Variants in MTOR observed in about 807,000 individuals in gnomAD.
The protein encoded by MTOR is mechanistic target of rapamycin kinase, also known as serine/threonine-protein kinase mTOR.
Under a neutral mutation model 319.8 loss-of-function variants are expected in MTOR, and 70 were observed. That is an observed-to-expected ratio of 0.22 (90% confidence interval 0.18 to 0.27). MTOR has a LOEUF of 0.27. Among genes scored for constraint, MTOR ranks in the 10% least tolerant of loss-of-function variants. The pLI is 1.00. For missense variants in MTOR, 1,890 were observed against 3,274.4 expected, an observed-to-expected ratio of 0.58 and a Z score of 10.32; for synonymous variants, 1,183 against 1,211.4, an observed-to-expected ratio of 0.98 and a Z score of 0.49.
intron 28 of MTOR, chr1:11,189,637 G>A: frequency 6.2e-7 from 1 of 1,614,064 alleles, no homozygotes; most frequent in Non-Finnish European, 8.5e-7. Flanking sequence ...CGTGGCCTTT[G>A]TCAGCCACCC....
chr1:11,116,965 G>T, intron 50 of MTOR, 39 bp downstream of exon 50: 2 of 1,466,650 alleles, frequency 1.4e-6, no homozygotes, highest in Middle Eastern at 1.8e-4. Context: ...AAACTACAAT[G>T]GAGAAAGAAG....
At chr1:11,234,458 AG>A (rs1647128937) in intron 13 of MTOR, among the ~76,000 whole-genome samples, 193 bp from the exon 14 acceptor site, 3 of 152,198 alleles carry the variant, frequency 2.0e-5, no homozygotes, top group South Asian at 4.1e-4. Flanking sequence ...CAGCTGTGAC[AG>A]GAAGAAAAAC....
chr1:11,136,352 T>TTGTTAAG (rs1643417471), intron 36 of MTOR, among the ~76,000 whole-genome samples: 13 of 152,156 alleles, frequency 8.5e-5, no homozygotes, highest in Admixed American at 7.2e-4. Flanking sequence ...ACACAGATGT[T>TTGTTAAG]CCAACACTTA....
At chr1:11,238,929 ATTT>A (rs35499063) in intron 11 of MTOR, among the ~76,000 whole-genome samples, 1 of 139,470 alleles carries the variant, frequency 7.2e-6, no homozygotes, top group Non-Finnish European at 1.5e-5. Flanking sequence ...CGCCTGGCTA[ATTT>A]TTTTTTTTTT....
chr1:11,152,620 C>T (rs1407805933), intron 30 of MTOR, among the ~76,000 whole-genome samples: 12 of 151,800 alleles, frequency 7.9e-5, no homozygotes, highest in Admixed American at 7.9e-4. Context: ...CTGGGCAGGG[C>T]AGGGGGTGCG....
chr1:11,153,379 C>A (rs1248776530), intron 30 of MTOR, among the ~76,000 whole-genome samples: 1 of 152,172 alleles, frequency 6.6e-6, no homozygotes, highest in Non-Finnish European at 1.5e-5. Context: ...GCTGAAGAAG[C>A]GGGCTGGTGC....
intron 50 of MTOR, 39 bp downstream of exon 50, chr1:11,116,965 G>A (rs1265155712): frequency 6.8e-7 from 1 of 1,466,652 alleles, no homozygotes; most frequent in Admixed American, 2.0e-5. Context: ...AAACTACAAT[G>A]GAGAAAGAAG....
chr1:11,171,096 G>C (rs1571060186), intron 28 of MTOR, among the ~76,000 whole-genome samples: 1 of 150,510 alleles, frequency 6.6e-6, no homozygotes. Context: ...TCGGGAGGCT[G>C]AGGCAGGAGA....
chr1:11,116,205 T>C (rs1353625261), intron 50 of MTOR, among the ~76,000 whole-genome samples: 3 of 152,242 alleles, frequency 2.0e-5, no homozygotes, highest in African/African-American at 7.2e-5. Context: ...TGCAAAAATA[T>C]CAGAAGGATC....
At chr1:11,130,120 C>T (rs1321176816) in intron 39 of MTOR, among the ~76,000 whole-genome samples, 1 of 152,150 alleles carries the variant, frequency 6.6e-6, no homozygotes, top group Non-Finnish European at 1.5e-5. Flanking sequence ...CTGGGCCTGC[C>T]AGCGGCCCTG....
In MTOR at chr1:11,109,257, T is replaced by C. The variant is rs746501912; in HGVS notation, c.7528+33A>G. The C allele has an allele frequency of 6.3e-7, 1 of 1,597,946 alleles. No individual in the cohort carries two copies. Among genetic ancestry groups the C allele is most frequent in the South Asian group, 1.1e-5 (1 of 89,884 alleles). ...GAGAGGAAAGTGTGCTCAGATTTTA[T>C]GTCCCTTTTAAGTAAACACATGACA... On this transcript the variant is annotated intron_variant, in intron 56 of 57. Transcript: ENST00000361445. The surrounding 1 kb of genome is among the most constrained non-coding windows in gnomAD (Gnocchi z 4.0).
Position 11,210,820 on chromosome 1 carries a change from A to G in MTOR, c.3648T>C (p.Ile1216=), listed in dbSNP as rs374411503. The G allele has an allele frequency of 6.2e-7, 1 of 1,609,278 alleles. No individual in the cohort carries two copies. The highest frequency in any genetic ancestry group is 8.5e-7 in the Non-Finnish European group (1 of 1,176,772). Residue 1216 remains isoleucine (I), a synonymous_variant, in exon 24 of 58, where the codon ATT becomes ATC. Coordinates refer to ENST00000361445, the MANE Select transcript of MTOR (RefSeq NM_004958.4). ...GAAAAGAAGTATAGTTCACCTTGAC[A>G]ATTCTGCAGATGAGCACATCATAGC... ...HQRYDVLICR[I]VKGYTLADEE...
intron 28 of MTOR, among the ~76,000 whole-genome samples, chr1:11,196,355 C>T (rs1275709891): frequency 2.0e-5 from 3 of 152,148 alleles, no homozygotes; most frequent in Non-Finnish European, 4.4e-5. Context: ...CCCAAGAAAG[C>T]AAATATATTT....
chr1:11,220,476 C>G (rs1041340763), intron 19 of MTOR, among the ~76,000 whole-genome samples: 1 of 152,084 alleles, frequency 6.6e-6, no homozygotes, highest in Non-Finnish European at 1.5e-5. Context: ...TCAATGAATG[C>G]TCCTAAGAGG....
At position 11,204,629 on chromosome 1, in the gene MTOR, C is replaced by G; in HGVS notation, c.3876G>C (p.Leu1292=). 6.2e-7 allele frequency: 1 copy of G among 1,614,240 alleles called. No homozygotes were observed. Among genetic ancestry groups the G allele is most frequent in the Non-Finnish European group, 8.5e-7 (1 of 1,180,050 alleles). Residue 1292 remains leucine, a synonymous_variant, in exon 26 of 58, where the codon CTG becomes CTC. Transcript: ENST00000361445. ...GCAGGGAGGGCGATGATGAGTCCTTCAGCAGCTCCAGGCTCAGCCGTCTCA... is the reference window on the plus strand; with the variant it reads ...GCAGGGAGGGCGATGATGAGTCCTTGAGCAGCTCCAGGCTCAGCCGTCTCA... ...EWLRRLSLEL[L]KDSSSPSLRS... is the part of the protein sequence containing the mutation.
At position 11,192,178 on chromosome 1, in the gene MTOR, C is replaced by T. The variant is rs1645564262; in HGVS notation, c.4253+7080G>A. The T allele has an allele frequency of 4.2e-6, 4 of 945,504 alleles. No homozygotes were observed. The South Asian group carries it at 5.8e-5, about 14-fold the overall frequency. 58.6% of individuals were successfully genotyped at this position (945,504 alleles called of 1,614,324 possible). A position where few individuals can be genotyped will look rare whatever the true frequency, so the allele number is the denominator to read the frequency against. The stretch of plus-strand genomic sequence containing the variant: ...TGGGTAATTAACACCACTGAGAATC[C>T]CAGGGTAGAAATAAAGGCTCAGTCT... On this transcript the variant is annotated intron_variant, in intron 28 of 57. Coordinates refer to ENST00000361445, the MANE Select transcript of MTOR (RefSeq NM_004958.4).
chr1:11,242,487 TAAGAC>T (rs1423872246), intron 9 of MTOR, among the ~76,000 whole-genome samples: 1 of 89,458 alleles, frequency 1.1e-5, no homozygotes, highest in African/African-American at 4.5e-5. Flanking sequence ...GCAACCAAAG[TAAGAC>T]TCCATCTCAA....
chr1:11,256,287 G>C, intron 4 of MTOR, 95 bp from the exon 5 acceptor site: 2 of 1,492,366 alleles, frequency 1.3e-6, no homozygotes. Flanking sequence ...ATACACACCA[G>C]GAACAGAGAA....
At chr1:11,124,268 G>A (rs574752958) in intron 47 of MTOR, among the ~76,000 whole-genome samples, 1 of 152,160 alleles carries the variant, frequency 6.6e-6, no homozygotes, top group Admixed American at 6.5e-5. Context: ...TATTACCCAG[G>A]CTGGAGGGCA....
Sources: allele counts gnomAD v4.1 joint callset (sites outside exome capture counted in the v4.1 genomes callset), GRCh38; gene constraint gnomAD v4.1.1; non-coding constraint Gnocchi (gnomAD v3.1); transcripts MANE v1.5; gene names NCBI Gene and HGNC (gene_info 2026-07-23, HGNC 2026-07-21).